Variants in TNRC18 observed in about 807,000 individuals in gnomAD.
The protein encoded by TNRC18 is trinucleotide repeat-containing gene 18 protein.
TNRC18 carries 69 observed loss-of-function variants against 226.7 expected under a neutral mutation model. The ratio of observed to expected loss-of-function variants is 0.30; its 90% CI spans 0.25 to 0.37. The LOEUF (loss-of-function observed/expected upper bound fraction) is 0.37. TNRC18 is among the 10% of genes least tolerant of loss of function. The pLI is 1.00. For missense variants in TNRC18, 4,754 were observed against 4,256.6 expected (o/e 1.12, Z -3.25); for synonymous variants, 2,449 against 1,927.6 (o/e 1.27, Z -7.09).
intron 22 of TNRC18, among the ~76,000 whole-genome samples, chr7:5,320,857 C>A (rs564051981): frequency 6.6e-6 from 1 of 152,376 alleles, no homozygotes; most frequent in African/African-American, 2.4e-5. Flanking sequence ...CTTCCCGCTG[C>A]GGAGCAGCCG....
intron 5 of TNRC18, among the ~76,000 whole-genome samples, chr7:5,384,158 GGGT>G (rs1228671975): frequency 6.6e-6 from 1 of 151,976 alleles, no homozygotes; most frequent in Admixed American, 6.6e-5. Flanking sequence ...AGTAGAGACG[GGGT>G]TTTACCACAT....
At chr7:5,357,418 A>ATT in intron 15 of TNRC18, 142 bp from the exon 16 acceptor site, 31 of 846,458 alleles carry the variant, frequency 3.7e-5, no homozygotes, top group East Asian at 9.8e-5. Context: ...ATATATATTT[A>ATT]TTTTTTTTTT....
chr7:5,422,616 C>G (rs565565479), intron 1 of TNRC18, among the ~76,000 whole-genome samples: 1 of 152,150 alleles, frequency 6.6e-6, no homozygotes, highest in Admixed American at 6.5e-5. Context: ...CCCGGGTGCC[C>G]GCCCGGCGCC....
rs887143319 is a variant in TNRC18 at position 5,387,788 on chromosome 7, T to A, written c.2036A>T (p.His679Leu). 6.2e-7 allele frequency: 1 copy of A among 1,606,206 alleles called. No homozygotes were observed. Among genetic ancestry groups the A allele is most frequent in the Non-Finnish European group, 8.5e-7 (1 of 1,179,712 alleles). Residue 679 changes from histidine (H) to leucine (L), a missense_variant, in exon 5 of 30, where the codon CAC (histidine) becomes CTC (leucine). Transcript: ENST00000430969. ...AGCCACTGCAATGCCCACAGGCGGGTGTCGCACTTCTGCCTCACCCTGGGC... is the reference window on the plus strand; with the variant it reads ...AGCCACTGCAATGCCCACAGGCGGGAGTCGCACTTCTGCCTCACCCTGGGC... ...SGAQGEAEVR[H>L]PPVGIAVAVA...
intron 12 of TNRC18, among the ~76,000 whole-genome samples, chr7:5,362,428 G>C (rs1003290260): frequency 6.6e-6 from 1 of 152,138 alleles, no homozygotes; most frequent in African/African-American, 2.4e-5. Context: ...ACCGCGACCT[G>C]TGTGATGAGC....
At chr7:5,385,357 G>T (rs370609357) in intron 5 of TNRC18, among the ~76,000 whole-genome samples, 1 of 151,910 alleles carries the variant, frequency 6.6e-6, no homozygotes, top group African/African-American at 2.4e-5. Flanking sequence ...GCGCGGTGGC[G>T]GGCGCCTGTA....
At chr7:5,407,950 G>A (rs544116472) in intron 2 of TNRC18, among the ~76,000 whole-genome samples, 1 of 152,234 alleles carries the variant, frequency 6.6e-6, no homozygotes, top group African/African-American at 2.4e-5. Flanking sequence ...AGTAGCAAGA[G>A]AAGGAGTGTG....
At chr7:5,334,120 C>T (rs1280381077) in intron 18 of TNRC18, among the ~76,000 whole-genome samples, 6 of 152,176 alleles carry the variant, frequency 3.9e-5, no homozygotes, top group African/African-American at 1.4e-4. Flanking sequence ...TGCCTTAAAT[C>T]CTCCAGCACA....
At chr7:5,353,181 C>T (rs1333285864) in intron 16 of TNRC18, among the ~76,000 whole-genome samples, 1 of 152,204 alleles carries the variant, frequency 6.6e-6, no homozygotes, top group Admixed American at 6.5e-5. Flanking sequence ...TCTGTCCCTC[C>T]CGAGGCTGTG....
chr7:5,314,079 C>T (rs1787593064), intron 26 of TNRC18, among the ~76,000 whole-genome samples: 1 of 152,000 alleles, frequency 6.6e-6, no homozygotes, highest in South Asian at 2.1e-4. Context: ...CAGCCTCAGT[C>T]TCCCAAGTAA....
rs891776534 is a variant in TNRC18, at chr7:5,396,768, G to C, written c.188-2173C>G. Among the ~76,000 whole-genome samples, 3 of 152,138 alleles carry C rather than the reference G, an allele frequency of 2.0e-5. No homozygotes were observed. In the East Asian group the frequency reaches 5.8e-4, roughly 29 times the overall value. ...CACTGTTTACAGGGGGCATGGATAA[G>C]TTATGTGGCTTTGCAGGAGATGTGG... On this transcript the variant is annotated intron_variant, in intron 2 of 29. Transcript: ENST00000430969.
In TNRC18 at chr7:5,374,312, C is replaced by T. The variant is rs562805968; in HGVS notation, c.2972G>A (p.Ser991Asn). 2 of 1,438,898 alleles carry T rather than the reference C, an allele frequency of 1.4e-6. No homozygotes were observed. The highest frequency in any genetic ancestry group is 1.8e-6 in the Non-Finnish European group (2 of 1,102,442). The allele number at this position is 1,438,898 out of a possible 1,614,324, so 89.1% of individuals were successfully genotyped here. The stretch of plus-strand genomic sequence containing the variant: ...GGATGCGCGGGGTGATGGTGGCGGG[C>T]TCACGGCCTTGCCGTAGGTGCCCGC... ...GPAGTYGKAV[S>N]PPPSPRASPV... The change falls in exon 10 of 30, where the codon AGC (serine) becomes AAC (asparagine). Residue 991 changes from serine to asparagine, a missense_variant. By Grantham distance (46) the Ser-to-Asn change is conservative. Coordinates refer to ENST00000430969, the MANE Select transcript of TNRC18 (RefSeq NM_001080495.3).
At chr7:5,350,869 AG>A (rs886607018) in intron 17 of TNRC18, among the ~76,000 whole-genome samples, 6 of 152,180 alleles carry the variant, frequency 3.9e-5, no homozygotes, top group African/African-American at 1.4e-4. Flanking sequence ...GCGGCAACGG[AG>A]CCGCTTTCGT....
Position 5,394,110 on chromosome 7 carries a change from T to C in TNRC18, c.343+330A>G, listed in dbSNP as rs1208462671. ...GGGCTCACTCCGGTGGGAAAGCGGGTAGTTCATGAATGATGAGATAATCTG... is the reference window on the plus strand; with the variant it reads ...GGGCTCACTCCGGTGGGAAAGCGGGCAGTTCATGAATGATGAGATAATCTG... On this transcript the variant is annotated intron_variant, in intron 3 of 29. Coordinates refer to ENST00000430969, the MANE Select transcript of TNRC18 (RefSeq NM_001080495.3). This position sits in a 1 kb window ranked among gnomAD's most constrained non-coding sequence, Gnocchi z 4.5. 6.6e-6 allele frequency among the ~76,000 whole-genome samples: 1 copy of C among 151,882 alleles called. No homozygotes were observed. The highest frequency in any genetic ancestry group is 1.5e-5 in the Non-Finnish European group (1 of 67,976).
chr7:5,410,553 C>G (rs950811073), intron 2 of TNRC18, among the ~76,000 whole-genome samples: 5 of 151,918 alleles, frequency 3.3e-5, no homozygotes, highest in African/African-American at 1.2e-4. Flanking sequence ...CATGAAATTT[C>G]AGAACAGTGA....
intron 2 of TNRC18, among the ~76,000 whole-genome samples, chr7:5,411,599 T>C (rs1050898563): frequency 6.6e-6 from 1 of 151,900 alleles, no homozygotes; most frequent in African/African-American, 2.4e-5. Flanking sequence ...AAAAGCATTT[T>C]CCAGGCATAC....
intron 19 of TNRC18, among the ~76,000 whole-genome samples, chr7:5,332,305 T>C (rs1789603468): frequency 6.6e-6 from 1 of 152,054 alleles, no homozygotes. Flanking sequence ...CAGTGACATG[T>C]GTCTGAAGAT....
intron 16 of TNRC18, among the ~76,000 whole-genome samples, chr7:5,354,942 G>T (rs937606479): frequency 2.0e-5 from 3 of 152,172 alleles, no homozygotes; most frequent in Admixed American, 2.0e-4. Flanking sequence ...TTTCGCCCTT[G>T]ACAGTCAAAC....
intron 16 of TNRC18, among the ~76,000 whole-genome samples, chr7:5,352,502 G>C (rs948541611): frequency 2.6e-5 from 4 of 152,240 alleles, no homozygotes; most frequent in Non-Finnish European, 4.4e-5. Flanking sequence ...CCTGACTCAG[G>C]AGGGAAAGGG....
Sources: allele counts gnomAD v4.1 joint callset (sites outside exome capture counted in the v4.1 genomes callset), GRCh38; gene constraint gnomAD v4.1.1; non-coding constraint Gnocchi (gnomAD v3.1); transcripts MANE v1.5; gene names NCBI Gene and HGNC (gene_info 2026-07-23, HGNC 2026-07-21).